DMD: variants seen among roughly 807,000 people sequenced by gnomAD.
DMD encodes the protein dystrophin.
A neutral mutation model predicts 330.1 loss-of-function variants in DMD; 63 were observed. That is an observed-to-expected ratio of 0.19 (90% CI 0.16 to 0.24). DMD has a LOEUF of 0.24. DMD is among the 10% of genes least tolerant of loss of function. The probability of loss-of-function intolerance (pLI) is 1.00; values close to 1 mark genes in which losing one functional copy is unlikely to be tolerated. For missense variants in DMD, 3,344 were observed against 2,684.1 expected (o/e 1.25, Z -5.43); for synonymous variants, 1,223 against 959.8 (o/e 1.27, Z -5.07).
At chrX:32,795,316 T>C (rs760601208) in intron 7 of DMD, among the ~76,000 whole-genome samples, 2 of 112,239 alleles carry the variant, frequency 1.8e-5, no homozygotes, top group South Asian at 7.4e-4. Context: ...ATTAAATCCA[T>C]GTATTTACAT....
intron 9 of DMD, among the ~76,000 whole-genome samples, chrX:32,688,240 G>A (rs757780941): frequency 1.8e-5 from 2 of 110,950 alleles, no homozygotes; most frequent in African/African-American, 3.3e-5. Flanking sequence ...TCCTTGGTTC[G>A]CAAAAATTGA....
chrX:33,243,668 A>G (rs2052622616), intron 1 of DMD, among the ~76,000 whole-genome samples: 1 of 112,310 alleles, frequency 8.9e-6, no homozygotes, highest in African/African-American at 3.2e-5. Flanking sequence ...GATGAGGAAA[A>G]TGTGGTATAT....
At chrX:32,166,056 G>T (rs1018511696) in intron 44 of DMD, among the ~76,000 whole-genome samples, 2 of 110,928 alleles carry the variant, frequency 1.8e-5, no homozygotes, top group Non-Finnish European at 3.8e-5. Context: ...ACCCAATCTC[G>T]GGCAGTTCTT....
At chrX:32,973,046 C>T (rs762543917) in intron 2 of DMD, among the ~76,000 whole-genome samples, 166 of 111,422 alleles carry the variant, frequency 1.5e-3, no homozygotes, top group Non-Finnish European at 2.4e-3. Flanking sequence ...CCTCTTTAGT[C>T]TGGGCTCCCA....
At chrX:32,844,096 C>G (rs746242106) in intron 4 of DMD, among the ~76,000 whole-genome samples, 6 of 111,559 alleles carry the variant, frequency 5.4e-5, no homozygotes, top group African/African-American at 2.0e-4. Flanking sequence ...GTTTGTTGCA[C>G]AAAACACTGC....
intron 63 of DMD, among the ~76,000 whole-genome samples, chrX:31,254,907 C>T (rs1290929049): frequency 3.7e-5 from 4 of 108,400 alleles, no homozygotes; most frequent in East Asian, 2.9e-4. Flanking sequence ...TAGCCAGACA[C>T]GGTGGCACAC....
intron 49 of DMD, among the ~76,000 whole-genome samples, chrX:31,827,577 TAAC>T (rs1198691697): frequency 2.0e-4 from 22 of 111,938 alleles, no homozygotes; most frequent in Admixed American, 6.6e-4. Context: ...CAAATGGACT[TAAC>T]AGATATTTAC....
chrX:32,181,884 C>T (rs906249286), intron 44 of DMD, among the ~76,000 whole-genome samples: 1 of 112,281 alleles, frequency 8.9e-6, no homozygotes, highest in Non-Finnish European at 1.9e-5. Flanking sequence ...CCCACCTTTC[C>T]TATAATTACC....
chrX:31,157,263 C>T (rs2038250671), intron 74 of DMD, among the ~76,000 whole-genome samples: 2 of 111,949 alleles, frequency 1.8e-5, no homozygotes, highest in Admixed American at 1.9e-4. Context: ...GTTTCTTAAT[C>T]TTTAATGACT....
chrX:31,429,420 A>T (rs1401590417), intron 60 of DMD, among the ~76,000 whole-genome samples: 1 of 111,345 alleles, frequency 9.0e-6, no homozygotes, highest in Non-Finnish European at 1.9e-5. Context: ...CTGGCTCCTC[A>T]CTTGGGATGG....
At chrX:31,366,739 T>A (rs1389183773) in intron 60 of DMD, among the ~76,000 whole-genome samples, 2 of 109,781 alleles carry the variant, frequency 1.8e-5, no homozygotes, top group South Asian at 3.9e-4. Flanking sequence ...TGTGTGCATT[T>A]AATTTGTGTA....
At chrX:32,759,910 C>A (rs1243508766) in intron 7 of DMD, among the ~76,000 whole-genome samples, 1 of 104,205 alleles carries the variant, frequency 9.6e-6, no homozygotes, top group African/African-American at 3.5e-5. Flanking sequence ...AGGATTCTAA[C>A]AATTTTCCAC....
chrX:31,956,505 T>C (rs2095247554), intron 45 of DMD, among the ~76,000 whole-genome samples: 1 of 111,332 alleles, frequency 9.0e-6, no homozygotes, highest in African/African-American at 3.3e-5. Context: ...AGTAAGGAAT[T>C]ACATAGAGAG....
chrX:32,461,181 G>C (rs1246961507), intron 25 of DMD, among the ~76,000 whole-genome samples: 1 of 111,821 alleles, frequency 8.9e-6, no homozygotes, highest in East Asian at 2.8e-4. Flanking sequence ...TAACCCAAAA[G>C]AGTGTATCAC....
At chrX:31,151,670 T>C (rs1160863054) in intron 74 of DMD, among the ~76,000 whole-genome samples, 2 of 112,853 alleles carry the variant, frequency 1.8e-5, no homozygotes, top group Non-Finnish European at 3.7e-5. Context: ...AGCTGAGCTG[T>C]AAAGAATATC....
At chrX:31,410,440 G>A (rs1321176035) in intron 60 of DMD, among the ~76,000 whole-genome samples, 1 of 111,830 alleles carries the variant, frequency 8.9e-6, no homozygotes, top group Non-Finnish European at 1.9e-5. Context: ...ACAGGGAGAA[G>A]CAATAGAGCT....
chrX:32,355,473 C>A (rs1048213350), intron 37 of DMD, among the ~76,000 whole-genome samples: 9 of 111,595 alleles, frequency 8.1e-5, no homozygotes, highest in Middle Eastern at 4.6e-3. Flanking sequence ...TCAAGATTCA[C>A]CAAATAGCTT....
chrX:31,358,741 G>C (rs1757780418), intron 60 of DMD, among the ~76,000 whole-genome samples: 1 of 112,583 alleles, frequency 8.9e-6, no homozygotes, highest in Non-Finnish European at 1.9e-5. Flanking sequence ...TAAAAGAAAT[G>C]AAACTACAAT....
intron 1 of DMD, among the ~76,000 whole-genome samples, chrX:33,182,198 G>A (rs1269504138): frequency 8.9e-6 from 1 of 112,004 alleles, no homozygotes; most frequent in Non-Finnish European, 1.9e-5. Flanking sequence ...AGAGAAGGAC[G>A]TCGCTATTTT....
Sources: allele counts gnomAD v4.1 joint callset (sites outside exome capture counted in the v4.1 genomes callset), GRCh38; gene constraint gnomAD v4.1.1; transcripts MANE v1.5; gene names NCBI Gene and HGNC (gene_info 2026-07-23, HGNC 2026-07-21).